Variants in BICRAL observed in about 807,000 individuals in gnomAD.
The protein encoded by BICRAL is BRD4-interacting chromatin-remodeling complex-associated protein-like.
Under a neutral mutation model 91.8 loss-of-function variants are expected in BICRAL, and 8 were observed. That is an observed-to-expected ratio of 0.09 (90% CI 0.05 to 0.16). BICRAL has a LOEUF of 0.16. Ranked by LOEUF, BICRAL falls within the 10% of genes least tolerant of loss-of-function variation. The pLI is 1.00. For missense variants in BICRAL, 1,038 were observed against 1,310.9 expected (o/e 0.79, Z 3.21); for synonymous variants, 445 against 491.1 (o/e 0.91, Z 1.24).
intron 1 of BICRAL, among the ~76,000 whole-genome samples, chr6:42,749,996 A>C (rs1762351214): frequency 6.6e-6 from 1 of 151,908 alleles, no homozygotes; most frequent in Non-Finnish European, 1.5e-5. Flanking sequence ...CTAGGATTAC[A>C]GGTGCCCACC....
intron 11 of BICRAL, among the ~76,000 whole-genome samples, chr6:42,860,653 G>T (rs987615039): frequency 1.3e-5 from 2 of 152,190 alleles, no homozygotes; most frequent in African/African-American, 4.8e-5. Context: ...GCAGAGCTCG[G>T]ATACGAGCCA....
At chr6:42,832,237 A>G (rs966425987) in intron 6 of BICRAL, among the ~76,000 whole-genome samples, 2 of 151,502 alleles carry the variant, frequency 1.3e-5, no homozygotes, top group African/African-American at 4.8e-5. Context: ...AGTCCCAGCT[A>G]CTTAGGAGGC....
chr6:42,800,732 A>T (rs902301872), intron 1 of BICRAL, among the ~76,000 whole-genome samples: 3 of 151,972 alleles, frequency 2.0e-5, no homozygotes, highest in African/African-American at 7.2e-5. Flanking sequence ...CACATTTTCT[A>T]TTTGAGTCTG....
At chr6:42,755,000 T>G (rs1762438917) in intron 1 of BICRAL, among the ~76,000 whole-genome samples, 1 of 152,232 alleles carries the variant, frequency 6.6e-6, no homozygotes, top group Non-Finnish European at 1.5e-5. Flanking sequence ...GGAGTACAGG[T>G]GCAGGAAAAT....
intron 2 of BICRAL, among the ~76,000 whole-genome samples, chr6:42,811,039 G>A (rs1763829871): frequency 6.6e-6 from 1 of 152,140 alleles, no homozygotes; most frequent in African/African-American, 2.4e-5. Flanking sequence ...TTTGGTTCAA[G>A]ACCTTATAAA....
intron 10 of BICRAL, 42 bp from the exon 11 acceptor site, chr6:42,860,219 AT>A (rs1159321381): frequency 9.0e-7 from 1 of 1,109,248 alleles, no homozygotes; most frequent in Non-Finnish European, 1.4e-6. Flanking sequence ...CTAGTCAGTG[AT>A]TTACAGTCTC....
chr6:42,866,579 C>A lies in BICRAL; in HGVS notation c.*1133C>A, dbSNP rs1765715787. The A allele has an allele frequency of 3.1e-6, 1 of 321,976 alleles. No individual in the cohort carries two copies. Among genetic ancestry groups the A allele is most frequent in the Non-Finnish European group, 6.2e-6 (1 of 161,678 alleles). The allele number at this position is 321,976 out of a possible 1,614,324, so 19.9% of individuals were successfully genotyped here. On this transcript the variant is annotated 3_prime_UTR_variant, in exon 13 of 13. Transcript: ENST00000314073. Reference sequence around the variant, plus strand: ...GCTTCTTGTCTGAGAACAGTAGTGACCCCTGGCAGCAATTCATTACCAAAA... The same window carrying A: ...GCTTCTTGTCTGAGAACAGTAGTGAACCCTGGCAGCAATTCATTACCAAAA...
At chr6:42,769,927 A>C (rs1427794104) in intron 1 of BICRAL, among the ~76,000 whole-genome samples, 1 of 152,066 alleles carries the variant, frequency 6.6e-6, no homozygotes, top group African/African-American at 2.4e-5. Flanking sequence ...CTTCTGATCT[A>C]GGTTCTTTCA....
chr6:42,768,880 G>A (rs1396617479), intron 1 of BICRAL, among the ~76,000 whole-genome samples: 2 of 152,206 alleles, frequency 1.3e-5, no homozygotes, highest in African/African-American at 4.8e-5. Flanking sequence ...AATGGCCCAG[G>A]TTGGGTCAGA....
rs138675168 is a variant in BICRAL at position 42,851,265 on chromosome 6, C to T, written c.1840-827C>T. ...GGCTGGGCATGGTGGTGCATGCATA[C>T]AATCCCAGCTACTTGGGAGACTTGG... On this transcript the variant is annotated intron_variant, in intron 6 of 12. Transcript: ENST00000314073. 2.3e-3 allele frequency among the ~76,000 whole-genome samples: 356 copies of T among 152,142 alleles called. 4 individuals are homozygous for T. The highest frequency in any genetic ancestry group is 0.018 in the South Asian group (86 of 4,816).
At chr6:42,808,924 T>A (rs1763782115) in intron 1 of BICRAL, among the ~76,000 whole-genome samples, 1 of 152,176 alleles carries the variant, frequency 6.6e-6, no homozygotes, top group Non-Finnish European at 1.5e-5. Flanking sequence ...CCTTGCCCTG[T>A]GTCTCCAGCC....
intron 6 of BICRAL, among the ~76,000 whole-genome samples, chr6:42,834,488 C>T (rs375056117): frequency 6.6e-6 from 1 of 152,128 alleles, no homozygotes; most frequent in Admixed American, 6.6e-5. Context: ...ATCATGGCCT[C>T]GAAATAGAGA....
intron 2 of BICRAL, among the ~76,000 whole-genome samples, chr6:42,814,730 G>A (rs1763935831): frequency 6.6e-6 from 1 of 150,862 alleles, no homozygotes; most frequent in African/African-American, 2.4e-5. Flanking sequence ...TCACCATGTT[G>A]GCCAGGCTGG....
At chr6:42,781,422 C>G (rs1762901868), upstream of BICRAL, among the ~76,000 whole-genome samples, 1 of 152,058 alleles carries the variant, frequency 6.6e-6, no homozygotes, top group African/African-American at 2.4e-5. Context: ...TAGGATGAAC[C>G]AGTTATTTGC....
chr6:42,857,614 A>AAATATATATAT, intron 10 of BICRAL, among the ~76,000 whole-genome samples: 20 of 96,224 alleles, frequency 2.1e-4, no homozygotes, highest in African/African-American at 5.2e-4. Flanking sequence ...AAAAAAAAAA[A>AAATATATATAT]ATATATATAT....
chr6:42,782,758 G>T (rs1245154082), intron 1 of BICRAL, among the ~76,000 whole-genome samples: 1 of 151,962 alleles, frequency 6.6e-6, no homozygotes, highest in Non-Finnish European at 1.5e-5. Flanking sequence ...CCGGGAGCCG[G>T]GAAGGAGGGA....
intron 2 of BICRAL, among the ~76,000 whole-genome samples, chr6:42,816,016 G>A (rs558652228): frequency 3.9e-4 from 55 of 142,520 alleles, no homozygotes; most frequent in Non-Finnish European, 7.5e-4. Flanking sequence ...AAAAGATACA[G>A]TATTTCTTTT....
chr6:42,789,503 A>T (rs536925111), intron 1 of BICRAL, among the ~76,000 whole-genome samples: 2 of 152,110 alleles, frequency 1.3e-5, no homozygotes, highest in East Asian at 3.9e-4. Flanking sequence ...ATAGCCAGGC[A>T]TGGTGGCACA....
chr6:42,814,462 T>C (rs1351918405), intron 2 of BICRAL, among the ~76,000 whole-genome samples: 2 of 141,678 alleles, frequency 1.4e-5, no homozygotes, highest in Non-Finnish European at 3.0e-5. Context: ...TATATACGTA[T>C]ACATACATAT....
Sources: gnomAD v4.1 joint callset for allele counts (sites outside exome capture counted in the v4.1 genomes callset) on GRCh38, gnomAD v4.1.1 for gene constraint, MANE v1.5 for transcripts, NCBI Gene and HGNC (gene_info 2026-07-23, HGNC 2026-07-21) for gene names.